Variants in SIN3A observed in about 807,000 individuals in gnomAD.
SIN3A encodes the protein SIN3 transcription regulator family member A.
A neutral mutation model predicts 146.1 loss-of-function variants in SIN3A; 14 were observed. That is an observed-to-expected ratio of 0.10 (90% CI 0.06 to 0.15). SIN3A has a LOEUF of 0.15. SIN3A is among the 10% of genes least tolerant of loss of function. The pLI is 1.00. For synonymous variants in SIN3A, 572 were observed against 572.0 expected (o/e 1.00, Z 0.00); for missense variants, 1,028 against 1,576.0 (o/e 0.65, Z 5.89).
chr15:75,432,654 C>T (rs1595921623), intron 1 of SIN3A, among the ~76,000 whole-genome samples: 2 of 147,646 alleles, frequency 1.4e-5, no homozygotes, highest in South Asian at 2.1e-4. Flanking sequence ...CCACTGCACT[C>T]CAGCCTGGGC....
intron 2 of SIN3A, among the ~76,000 whole-genome samples, chr15:75,429,893 GT>G (rs1383965561): frequency 6.6e-6 from 1 of 152,104 alleles, no homozygotes; most frequent in African/African-American, 2.4e-5. Flanking sequence ...AATTATGTTA[GT>G]TTTTTTAAGT....
chr15:75,418,272 C>T (rs1485302954), intron 3 of SIN3A, among the ~76,000 whole-genome samples: 6 of 151,156 alleles, frequency 4.0e-5, no homozygotes, highest in Non-Finnish European at 5.9e-5. Context: ...CCTCGTGATC[C>T]GCCCGCCTCG....
At chr15:75,439,803 T>C (rs2141605663) in intron 1 of SIN3A, among the ~76,000 whole-genome samples, 2 of 152,236 alleles carry the variant, frequency 1.3e-5, no homozygotes, top group South Asian at 4.1e-4. Context: ...AAAACTCTTC[T>C]GACTCAAAAT....
chr15:75,390,735 C>G (rs890163222), intron 15 of SIN3A, among the ~76,000 whole-genome samples: 1 of 152,152 alleles, frequency 6.6e-6, no homozygotes, highest in African/African-American at 2.4e-5. Context: ...TATATACATG[C>G]CGTACCTTAT....
chr15:75,389,303 GA>G (rs11300642), intron 16 of SIN3A, among the ~76,000 whole-genome samples: 89,573 of 144,660 alleles, frequency 0.62, 28,955 homozygotes, highest in African/African-American at 0.86. Context: ...TCTATTTAAG[GA>G]AAAAAAAAAA....
Position 75,400,070 on chromosome 15 carries a change from A to G in SIN3A, c.1824T>C (p.His608=), listed in dbSNP as rs754464413. ...VSSKKTQYEE[H]IYRCEDERFE... ...AGCGTTCATCTTCACAACGATAAAT[A>G]TGTTCTTCATATTGAGTCTTCTTGG... The change falls in exon 12 of 21, where the codon CAT becomes CAC. Residue 608 remains histidine (H), a synonymous_variant. Transcript: ENST00000394947. The G allele has an allele frequency of 4.4e-6, 7 of 1,609,094 alleles. No homozygotes were observed. In the East Asian group the frequency reaches 1.3e-4, roughly 31 times the overall value.
At position 75,400,946 on chromosome 15, in the gene SIN3A, G is replaced by A. The variant is rs772416776; in HGVS notation, c.1527-6C>T. The A allele has an allele frequency of 1.2e-6, 2 of 1,603,866 alleles. No homozygotes were observed. Among genetic ancestry groups the A allele is most frequent in the African/African-American group, 1.3e-5 (1 of 74,780 alleles). ...TAAACAACTCAGGGAATTTCCTGAA[G>A]AATCAAACCAAAAAGTGACAAGCAA... On this transcript the variant is annotated splice_region_variant and splice_polypyrimidine_tract_variant and intron_variant, in intron 10 of 20. Coordinates refer to ENST00000394947, the MANE Select transcript of SIN3A (RefSeq NM_001145358.2).
intron 16 of SIN3A, among the ~76,000 whole-genome samples, chr15:75,387,486 T>G: frequency 8.1e-6 from 1 of 123,000 alleles, no homozygotes; most frequent in Non-Finnish European, 1.6e-5. Context: ...GGCAATAGAG[T>G]GAGACCCTGG....
intron 2 of SIN3A, 183 bp downstream of exon 2, chr15:75,430,004 A>G: frequency 1.7e-6 from 1 of 581,826 alleles, no homozygotes; most frequent in East Asian, 3.0e-5. Flanking sequence ...AGGGAACTTC[A>G]AAGGTCATGA....
chr15:75,442,672 G>A (rs1032237543), intron 1 of SIN3A, among the ~76,000 whole-genome samples: 2 of 148,772 alleles, frequency 1.3e-5, no homozygotes. Flanking sequence ...GCTCACGACT[G>A]TAATCCCAGC....
intron 1 of SIN3A, among the ~76,000 whole-genome samples, chr15:75,449,636 C>G (rs1401327214): frequency 6.6e-6 from 1 of 152,116 alleles, no homozygotes; most frequent in Non-Finnish European, 1.5e-5. Context: ...CCACCCTCCT[C>G]TGAAATAAAA....
chr15:75,442,729 A>G (rs2074238820), intron 1 of SIN3A, among the ~76,000 whole-genome samples: 1 of 151,882 alleles, frequency 6.6e-6, no homozygotes, highest in South Asian at 2.1e-4. Flanking sequence ...TGGGAGTTCA[A>G]GACCAGCCTG....
chr15:75,372,162 C>G lies in SIN3A; in HGVS notation c.3639G>C (p.Trp1213Cys), dbSNP rs756528068. Residue 1213 changes from tryptophan to cysteine, a missense_variant, in exon 21 of 21, where the codon TGG becomes TGC. Trp to Cys is a radical substitution (Grantham distance 215). Around this residue, in one of 9 missense-constraint regions of SIN3A, gnomAD observed 488 missense variants for 690.2 expected, o/e 0.71. Transcript: ENST00000394947. ...SKRLHQRFQAWVDKWTKEHVP... is the reference protein window; with the variant it reads ...SKRLHQRFQACVDKWTKEHVP... ...CATGCTCCTTGGTCCATTTATCTACCCAGGCCTGGAATCTCTGATGTAGAC... is the reference window on the plus strand; with the variant it reads ...CATGCTCCTTGGTCCATTTATCTACGCAGGCCTGGAATCTCTGATGTAGAC... 10 of 1,614,044 alleles carry G rather than the reference C, an allele frequency of 6.2e-6. No individual in the cohort carries two copies. The highest frequency in any genetic ancestry group is 1.1e-5 in the South Asian group (1 of 91,074).
chr15:75,414,629 G>A (rs1406848538), intron 3 of SIN3A, among the ~76,000 whole-genome samples: 4 of 152,176 alleles, frequency 2.6e-5, no homozygotes, highest in Non-Finnish European at 5.9e-5. Flanking sequence ...GGCCCAATGT[G>A]AGTACCAAGG....
intron 17 of SIN3A, 118 bp downstream of exon 17, chr15:75,384,146 A>G: frequency 1.5e-6 from 1 of 678,138 alleles, no homozygotes; most frequent in Non-Finnish European, 2.4e-6. Context: ...TGAACTCATT[A>G]AAAGGTCCAG....
intron 4 of SIN3A, among the ~76,000 whole-genome samples, chr15:75,414,001 T>C (rs2073690506): frequency 6.6e-6 from 1 of 152,166 alleles, no homozygotes; most frequent in African/African-American, 2.4e-5. Flanking sequence ...AAAAATTTAG[T>C]TAAGGAAAAT....
intron 2 of SIN3A, among the ~76,000 whole-genome samples, chr15:75,423,871 C>T (rs756351739): frequency 2.0e-5 from 3 of 151,950 alleles, no homozygotes; most frequent in Non-Finnish European, 4.4e-5. Context: ...TAACACGCAT[C>T]TGTAATCCCA....
intron 1 of SIN3A, among the ~76,000 whole-genome samples, chr15:75,445,500 AGCTGAGATTGT>A (rs1430569030): frequency 1.3e-5 from 2 of 150,794 alleles, no homozygotes; most frequent in African/African-American, 4.9e-5. Flanking sequence ...GGTTGCAGTG[AGCTGAGATTGT>A]GCCAAGCCGA....
chr15:75,450,274 AGAG>A (rs1404298279), intron 1 of SIN3A, among the ~76,000 whole-genome samples: 2 of 152,130 alleles, frequency 1.3e-5, no homozygotes, highest in Non-Finnish European at 2.9e-5. Flanking sequence ...AGCCTTGTAA[AGAG>A]GAGGAGCTTC....
Sources: allele counts gnomAD v4.1 joint callset (sites outside exome capture counted in the v4.1 genomes callset), GRCh38; gene constraint gnomAD v4.1.1; regional missense constraint gnomAD v4.1.1; transcripts MANE v1.5; gene names NCBI Gene and HGNC (gene_info 2026-07-23, HGNC 2026-07-21).